PTGR3: variants seen among roughly 807,000 people sequenced by gnomAD.
PTGR3 encodes the protein zinc binding alcohol dehydrogenase domain containing 2.
At chr18:75,204,845 T>C in the PTGR3 span, among the ~76,000 whole-genome samples, 2 of 152,204 alleles carry the variant, frequency 1.3e-5, no homozygotes, top group East Asian at 1.9e-4. Flanking sequence ...GGTGGACAAG[T>C]TCTCTCCGAG....
chr18:75,196,871 T>A, the PTGR3 span: 1 of 152,090 alleles, frequency 6.6e-6, no homozygotes, highest in Non-Finnish European at 1.5e-5. Flanking sequence ...GCCCCTTTAG[T>A]CTTGCTGCTG....
At chr18:75,202,044 C>T in the PTGR3 span, 1 of 1,614,192 alleles carries the variant, frequency 6.2e-7, no homozygotes, top group Non-Finnish European at 8.5e-7. Flanking sequence ...TTCCGACAGT[C>T]CTCCGAGCTC....
At chr18:75,207,009 G>A in the PTGR3 span, among the ~76,000 whole-genome samples, 1 of 152,174 alleles carries the variant, frequency 6.6e-6, no homozygotes, top group Admixed American at 6.5e-5. Context: ...AGGGGTCCCA[G>A]GGCAGCAGTA....
At chr18:75,205,329 G>A in the PTGR3 span, 1 of 985,902 alleles carries the variant, frequency 1.0e-6, no homozygotes, top group Non-Finnish European at 1.2e-6. Context: ...AGACAAGAAA[G>A]ACACACTGGG....
the PTGR3 span, among the ~76,000 whole-genome samples, chr18:75,203,816 T>C: frequency 6.6e-6 from 1 of 152,176 alleles, no homozygotes; most frequent in Non-Finnish European, 1.5e-5. Flanking sequence ...TAAATTTACA[T>C]AATTCTCAAG....
chr18:75,201,555 A>AC, the PTGR3 span: 1 of 1,614,146 alleles, frequency 6.2e-7, no homozygotes, highest in Non-Finnish European at 8.5e-7. Context: ...TCCAAGGTCC[A>AC]CCTCACAAAC....
the PTGR3 span, chr18:75,201,607 C>T: frequency 3.1e-6 from 5 of 1,614,076 alleles, no homozygotes; most frequent in Admixed American, 6.7e-5. Flanking sequence ...TGGCTCATGG[C>T]TGCTTGATAC....
the PTGR3 span, chr18:75,201,241 T>A: frequency 1.7e-6 from 1 of 582,754 alleles, no homozygotes; most frequent in Non-Finnish European, 2.9e-6. Context: ...TTTTTTTTTT[T>A]CCCCCAAGGG....
chr18:75,201,085 G>T, the PTGR3 span: 1 of 248,568 alleles, frequency 4.0e-6, no homozygotes, highest in African/African-American at 2.2e-5. Flanking sequence ...TGATCAAGCT[G>T]AAGACATACT....
At chr18:75,201,451 C>G in the PTGR3 span, 2 of 1,612,896 alleles carry the variant, frequency 1.2e-6, no homozygotes, top group South Asian at 2.2e-5. Flanking sequence ...GGTAATTCAA[C>G]TACAATTTTT....
the PTGR3 span, chr18:75,201,403 C>T: frequency 6.3e-7 from 1 of 1,592,442 alleles, no homozygotes; most frequent in Non-Finnish European, 8.6e-7. Context: ...TGATTTATGT[C>T]ATTGTTCTGT....
At chr18:75,201,792 A>G in the PTGR3 span, 2 of 1,614,234 alleles carry the variant, frequency 1.2e-6, no homozygotes, top group Non-Finnish European at 1.7e-6. Context: ...AGCCAAGTCA[A>G]ACATGGCTCC....
chr18:75,202,147 C>G, the PTGR3 span: 8 of 1,614,142 alleles, frequency 5.0e-6, no homozygotes, highest in Non-Finnish European at 6.8e-6. Context: ...CTGGCAGGCA[C>G]AACTGTGTAC....
the PTGR3 span, among the ~76,000 whole-genome samples, chr18:75,204,337 C>T: frequency 1.3e-5 from 2 of 152,238 alleles, no homozygotes; most frequent in African/African-American, 2.4e-5. Flanking sequence ...ACCGGAGCAG[C>T]CTGGGGAGCG....
chr18:75,201,818 GACC>G, the PTGR3 span: 3 of 1,614,164 alleles, frequency 1.9e-6, no homozygotes, highest in Non-Finnish European at 2.5e-6. Flanking sequence ...CAGATTCATA[GACC>G]ACATCGACAC....
chr18:75,197,935 A>G, the PTGR3 span: 1 of 152,186 alleles, frequency 6.6e-6, no homozygotes. Context: ...GCTGTGCATT[A>G]CTAATCTACT....
the PTGR3 span, chr18:75,201,119 G>T: frequency 2.8e-6 from 1 of 362,524 alleles, no homozygotes; most frequent in Non-Finnish European, 5.0e-6. Context: ...CTGGCATCAG[G>T]AATGAATTTA....
chr18:75,208,256 GGACA>G, the PTGR3 span: 2 of 922,270 alleles, frequency 2.2e-6, no homozygotes, highest in Non-Finnish European at 2.6e-6. Context: ...AACACTCAGG[GGACA>G]GACAACAGTC....
chr18:75,208,915 G>T, the PTGR3 span: 17 of 1,578,754 alleles, frequency 1.1e-5, no homozygotes, highest in Middle Eastern at 3.4e-4. Context: ...TCAGGGTGAC[G>T]GCCTCGCGGA....
Sources: gnomAD v4.1 joint callset for allele counts (sites outside exome capture counted in the v4.1 genomes callset) on GRCh38, gnomAD v4.1.1 for gene constraint, MANE v1.5 for transcripts, NCBI Gene and HGNC (gene_info 2026-07-23, HGNC 2026-07-21) for gene names.